The following DLGAP1 variants were observed in gnomAD, a reference collection of about 807,000 sequenced individuals.
DLGAP1 encodes the protein disks large-associated protein 1.
DLGAP1 carries 11 observed loss-of-function variants against 90.8 expected under a neutral mutation model. That is an observed-to-expected ratio of 0.12 (90% CI 0.08 to 0.20). DLGAP1 has a LOEUF of 0.20. DLGAP1 is among the 10% of genes least tolerant of loss of function. The probability of loss-of-function intolerance (pLI) is 1.00; values close to 1 mark genes in which losing one functional copy is unlikely to be tolerated. For synonymous variants in DLGAP1, 558 were observed against 540.7 expected (o/e 1.03, Z -0.44); for missense variants, 1,050 against 1,333.8 (o/e 0.79, Z 3.31).
At chr18:3,883,969 G>T (rs1046412098) in intron 3 of DLGAP1, among the ~76,000 whole-genome samples, 1 of 152,214 alleles carries the variant, frequency 6.6e-6, no homozygotes, top group South Asian at 2.1e-4. Flanking sequence ...AGGGCAATCC[G>T]CCTGGAAGAG....
chr18:3,664,220 A>C lies in DLGAP1; in HGVS notation c.1591+64915T>G, dbSNP rs868073232. Among the ~76,000 whole-genome samples, 1,350 of 143,318 alleles carry C rather than the reference A, an allele frequency of 9.4e-3. 18 individuals carry two copies. The highest frequency in any genetic ancestry group is 0.033 in the African/African-American group (1,275 of 39,108). The allele number at this position is 143,318 out of a possible 152,430, so 94.0% of individuals were successfully genotyped here. On this transcript the variant is annotated intron_variant, in intron 7 of 12. Transcript: ENST00000315677. ...CACACACACACACACACACACACCC[A>C]CACACACACACACACACGGATATAC...
chr18:3,579,084 C>T lies in DLGAP1; in HGVS notation c.1965+2791G>A, dbSNP rs2055333303. Among the ~76,000 whole-genome samples the T allele has an allele frequency of 1.3e-5, 2 of 152,108 alleles. 1 individual carries two copies. Among genetic ancestry groups the T allele is most frequent in the South Asian group, 4.1e-4 (2 of 4,824 alleles). On this transcript the variant is annotated intron_variant, in intron 8 of 12. Transcript: ENST00000315677. Reference sequence around the variant, plus strand: ...TTATTCTGAAACTGTTTTAAAAAATCTAGCTTCCTGTGGAGGTTATAGTTT... The same window carrying T: ...TTATTCTGAAACTGTTTTAAAAAATTTAGCTTCCTGTGGAGGTTATAGTTT...
intron 3 of DLGAP1, among the ~76,000 whole-genome samples, chr18:3,917,998 C>G (rs899795325): frequency 6.6e-6 from 1 of 152,164 alleles, no homozygotes; most frequent in Non-Finnish European, 1.5e-5. Context: ...GCTCTCCCTC[C>G]TTCATAATCA....
chr18:4,318,386 C>T (rs1157857962), intron 1 of DLGAP1, among the ~76,000 whole-genome samples: 1 of 152,126 alleles, frequency 6.6e-6, no homozygotes, highest in Non-Finnish European at 1.5e-5. Flanking sequence ...AACCATGAAG[C>T]TGCCCTGCTT....
chr18:4,149,744 T>C (rs2076642802), intron 2 of DLGAP1, among the ~76,000 whole-genome samples: 2 of 152,226 alleles, frequency 1.3e-5, no homozygotes. Flanking sequence ...TATGAGAATC[T>C]CATTCCTGAT....
chr18:3,672,124 T>C (rs986477575), intron 7 of DLGAP1, among the ~76,000 whole-genome samples: 4 of 151,988 alleles, frequency 2.6e-5, no homozygotes, highest in Non-Finnish European at 5.9e-5. Context: ...AAATAAGTTA[T>C]GAAGATGGGA....
At chr18:3,602,281 AAC>A (rs1322304669) in intron 7 of DLGAP1, among the ~76,000 whole-genome samples, 9 of 152,076 alleles carry the variant, frequency 5.9e-5, no homozygotes, top group Admixed American at 1.3e-4. Flanking sequence ...CAGTGCACGT[AAC>A]ACAGTTTGAA....
intron 7 of DLGAP1, among the ~76,000 whole-genome samples, chr18:3,677,592 G>A (rs1478166470): frequency 2.6e-5 from 4 of 152,204 alleles, no homozygotes; most frequent in African/African-American, 9.7e-5. Context: ...TGTTTCTAGC[G>A]TGCCTATGAC....
At chr18:3,624,300 G>A (rs1332094663) in intron 7 of DLGAP1, among the ~76,000 whole-genome samples, 3 of 152,196 alleles carry the variant, frequency 2.0e-5, no homozygotes, top group Admixed American at 1.3e-4. Context: ...CCCCTGCCCC[G>A]CGGTCCATTG....
At chr18:4,450,601 C>A (rs2083798842) in intron 1 of DLGAP1, among the ~76,000 whole-genome samples, 1 of 152,138 alleles carries the variant, frequency 6.6e-6, no homozygotes. Context: ...AAATGCTTAT[C>A]CATGGCTTCA....
chr18:4,036,435 G>T (rs1449434238), intron 2 of DLGAP1, among the ~76,000 whole-genome samples: 1 of 152,078 alleles, frequency 6.6e-6, no homozygotes, highest in Non-Finnish European at 1.5e-5. Flanking sequence ...CTGGAATTTG[G>T]CATAGTGGTC....
At chr18:3,636,286 A>G (rs1032101309) in intron 7 of DLGAP1, among the ~76,000 whole-genome samples, 17 of 151,478 alleles carry the variant, frequency 1.1e-4, no homozygotes, top group African/African-American at 2.7e-4. Flanking sequence ...TACACCTTTC[A>G]TTAACTAATT....
At chr18:3,623,604 G>C (rs1340284520) in intron 7 of DLGAP1, among the ~76,000 whole-genome samples, 1 of 151,486 alleles carries the variant, frequency 6.6e-6, no homozygotes, top group East Asian at 2.0e-4. Context: ...CCTGGCCAAT[G>C]TGTCTCTACT....
At chr18:3,500,100 G>GGATAA (rs1274539013) in intron 12 of DLGAP1, among the ~76,000 whole-genome samples, 1 of 152,108 alleles carries the variant, frequency 6.6e-6, no homozygotes, top group African/African-American at 2.4e-5. Context: ...AGGGGCCTCG[G>GGATAA]GATAACTGTG....
chr18:4,281,385 T>C (rs1386570107), intron 1 of DLGAP1, among the ~76,000 whole-genome samples: 1 of 152,018 alleles, frequency 6.6e-6, no homozygotes, highest in Non-Finnish European at 1.5e-5. Flanking sequence ...ACTCCGTCTG[T>C]ACTAAAAAAA....
intron 5 of DLGAP1, among the ~76,000 whole-genome samples, chr18:3,765,130 C>CTTTTTTTTTTT (rs1212463684): frequency 8.8e-6 from 1 of 113,236 alleles, no homozygotes; most frequent in African/African-American, 3.7e-5. Flanking sequence ...TTTTTTTTTT[C>CTTTTTTTTTTT]TTTTTTTTTT....
rs192195349 is a variant in DLGAP1 at position 4,370,708 on chromosome 18, A to G, written c.-267+84298T>C. 1.7e-3 allele frequency among the ~76,000 whole-genome samples: 257 copies of G among 152,202 alleles called. 2 individuals are homozygous for G. Among genetic ancestry groups the G allele is most frequent in the African/African-American group, 5.9e-3 (243 of 41,524 alleles). On this transcript the variant is annotated intron_variant, in intron 1 of 12. Coordinates refer to ENST00000315677, the MANE Select transcript of DLGAP1 (RefSeq NM_004746.4). Reference sequence around the variant, plus strand: ...CCCCTAAGTAAAAGCTTTTTATTCCATATCTTTACACTGCTTGTCCATTCC... The same window carrying G: ...CCCCTAAGTAAAAGCTTTTTATTCCGTATCTTTACACTGCTTGTCCATTCC...
At chr18:3,862,888 C>G (rs1399254344) in intron 4 of DLGAP1, among the ~76,000 whole-genome samples, 2 of 152,260 alleles carry the variant, frequency 1.3e-5, no homozygotes, top group Non-Finnish European at 2.9e-5. Context: ...CTCGCCCTCA[C>G]TGGGCCTCCC....
intron 1 of DLGAP1, among the ~76,000 whole-genome samples, chr18:4,329,593 A>C (rs1167425676): frequency 6.6e-6 from 1 of 151,978 alleles, no homozygotes; most frequent in African/African-American, 2.4e-5. Flanking sequence ...CTTTGAAAAT[A>C]ATATCTCAAC....
Sources: allele counts gnomAD v4.1 joint callset (sites outside exome capture counted in the v4.1 genomes callset), GRCh38; gene constraint gnomAD v4.1.1; transcripts MANE v1.5; gene names NCBI Gene and HGNC (gene_info 2026-07-23, HGNC 2026-07-21).